The following COMMD1 variants were observed in gnomAD, a reference collection of about 807,000 sequenced individuals.
COMMD1 encodes the protein COMM domain-containing protein 1.
COMMD1 carries 10 observed loss-of-function variants against 17.2 expected under a neutral mutation model. The observed-to-expected ratio is 0.58, with a 90% confidence interval of 0.36 to 0.99. COMMD1 has a LOEUF of 0.99. Among genes scored for constraint, COMMD1 ranks in the 50% least tolerant of loss-of-function variants. The probability of loss-of-function intolerance (pLI) is 0.01; values close to 1 mark genes in which losing one functional copy is unlikely to be tolerated. For missense variants in COMMD1, 270 were observed against 231.8 expected, an observed-to-expected ratio of 1.17 and a Z score of -1.07; for synonymous variants, 97 against 91.6, an observed-to-expected ratio of 1.06 and a Z score of -0.34.
At chr2:62,106,686 G>A (rs747867763) in intron 2 of COMMD1, among the ~76,000 whole-genome samples, 20 of 152,230 alleles carry the variant, frequency 1.3e-4, no homozygotes, top group Non-Finnish European at 2.4e-4. Context: ...AAGCTGCCAG[G>A]TGGTGATGAG....
chr2:62,007,812 A>AT lies in COMMD1; in HGVS notation c.462+6831dup, dbSNP rs370876532. 2.3e-3 allele frequency among the ~76,000 whole-genome samples: 343 copies of AT among 152,350 alleles called. 1 individual carries two copies. The highest frequency in any genetic ancestry group is 8.1e-3 in the African/African-American group (337 of 41,572). On this transcript the variant is annotated intron_variant, in intron 2 of 2. Transcript: ENST00000311832. ...AGGTATCCTCATCGTTAAGCTATGC[A>AT]TAACTATACACTGATCTGCTTTTGT...
chr2:61,889,832 A>G (rs531746416), intron 1 of COMMD1, among the ~76,000 whole-genome samples: 2 of 152,208 alleles, frequency 1.3e-5, no homozygotes, highest in East Asian at 1.9e-4. Context: ...CGTAAACATT[A>G]TAATAAAGAT....
chr2:62,022,444 G>A (rs768680598), intron 2 of COMMD1, among the ~76,000 whole-genome samples: 51 of 142,054 alleles, frequency 3.6e-4, no homozygotes, highest in Non-Finnish European at 6.7e-4. Flanking sequence ...ATTTACCGGC[G>A]CTTCTTTTTT....
At chr2:61,970,909 GT>G (rs939331226) in intron 1 of COMMD1, among the ~76,000 whole-genome samples, 3 of 151,678 alleles carry the variant, frequency 2.0e-5, no homozygotes, top group African/African-American at 7.3e-5. Context: ...CCCAGTATTT[GT>G]TTTTTTTGTT....
At chr2:62,103,391 TA>T (rs1331528302) in intron 2 of COMMD1, among the ~76,000 whole-genome samples, 1 of 152,262 alleles carries the variant, frequency 6.6e-6, no homozygotes, top group Admixed American at 6.5e-5. Flanking sequence ...ACAGGTTAAA[TA>T]GATTTGTCTG....
chr2:61,935,186 A>G (rs927438102), intron 1 of COMMD1, among the ~76,000 whole-genome samples: 1 of 152,224 alleles, frequency 6.6e-6, no homozygotes, highest in Non-Finnish European at 1.5e-5. Context: ...AGTCAGGAGG[A>G]TGGGAGAAAA....
chr2:61,960,087 A>G (rs889135186), intron 1 of COMMD1, among the ~76,000 whole-genome samples: 2 of 151,986 alleles, frequency 1.3e-5, no homozygotes, highest in African/African-American at 4.8e-5. Context: ...GTGCCAGAGC[A>G]AGCTAGGACA....
chr2:61,987,279 A>G (rs977539629), intron 1 of COMMD1, among the ~76,000 whole-genome samples: 2 of 152,052 alleles, frequency 1.3e-5, no homozygotes, highest in Non-Finnish European at 2.9e-5. Flanking sequence ...AAAGAATTAG[A>G]TGCTTATTAT....
intron 2 of COMMD1, among the ~76,000 whole-genome samples, chr2:62,012,463 C>T (rs1040116843): frequency 2.0e-5 from 3 of 151,854 alleles, no homozygotes; most frequent in African/African-American, 4.8e-5. Flanking sequence ...GGATTACAGG[C>T]ATGCACCACC....
At chr2:62,059,018 T>A (rs1670784932) in intron 2 of COMMD1, among the ~76,000 whole-genome samples, 1 of 152,204 alleles carries the variant, frequency 6.6e-6, no homozygotes, top group African/African-American at 2.4e-5. Flanking sequence ...GACCTCGTGA[T>A]CCACCCACCT....
At chr2:62,051,896 C>A (rs767102092) in intron 2 of COMMD1, among the ~76,000 whole-genome samples, 3 of 152,166 alleles carry the variant, frequency 2.0e-5, no homozygotes, top group Admixed American at 1.3e-4. Flanking sequence ...AAGGACTTAG[C>A]TCATTTACTA....
rs182581748 is a variant in COMMD1 at position 62,018,557 on chromosome 2, T to C, written c.462+17575T>C. Among the ~76,000 whole-genome samples the C allele has an allele frequency of 7.0e-4, 106 of 152,362 alleles. 2 individuals carry two copies. The highest frequency in any genetic ancestry group is 6.9e-4 in the Non-Finnish European group (47 of 68,036). ...CTGTTTCAGTTTTTAATGAGCATTATGGTTATTTTCCGGCTTTATTGGGAT... is the reference window on the plus strand; with the variant it reads ...CTGTTTCAGTTTTTAATGAGCATTACGGTTATTTTCCGGCTTTATTGGGAT... On this transcript the variant is annotated intron_variant, in intron 2 of 2. Transcript: ENST00000311832.
intron 2 of COMMD1, among the ~76,000 whole-genome samples, chr2:62,065,494 T>C (rs1671012719): frequency 6.6e-6 from 1 of 151,860 alleles, no homozygotes; most frequent in Admixed American, 6.6e-5. Context: ...TGACTACTTT[T>C]TTTATGTGTG....
intron 1 of COMMD1, chr2:61,915,794 C>T: frequency 8.1e-6 from 3 of 371,314 alleles, no homozygotes; most frequent in South Asian, 4.1e-5. Context: ...CCACGCTTGG[C>T]CTTTTATAGC....
At chr2:62,125,761 C>G (rs1672869936) in intron 2 of COMMD1, among the ~76,000 whole-genome samples, 1 of 151,894 alleles carries the variant, frequency 6.6e-6, no homozygotes, top group African/African-American at 2.4e-5. Context: ...CAAATTCTCT[C>G]TTTTTTTTAA....
At chr2:61,921,578 G>T (rs1558522278) in intron 1 of COMMD1, among the ~76,000 whole-genome samples, 1 of 152,218 alleles carries the variant, frequency 6.6e-6, no homozygotes, top group East Asian at 1.9e-4. Context: ...CGAGTAGCTG[G>T]GACTATAGGG....
intron 1 of COMMD1, among the ~76,000 whole-genome samples, chr2:61,907,009 T>C (rs1669790871): frequency 6.6e-6 from 1 of 152,248 alleles, no homozygotes; most frequent in African/African-American, 2.4e-5. Context: ...GATTGTCTCA[T>C]GGAAATGTAA....
At chr2:62,045,569 T>C (rs1314885832) in intron 2 of COMMD1, among the ~76,000 whole-genome samples, 2 of 151,408 alleles carry the variant, frequency 1.3e-5, no homozygotes, top group Non-Finnish European at 2.9e-5. Flanking sequence ...CTTTTTTTTT[T>C]TTTTGTATTT....
chr2:61,894,748 G>GGA (rs967166554), intron 1 of COMMD1, among the ~76,000 whole-genome samples: 18 of 151,022 alleles, frequency 1.2e-4, no homozygotes, highest in African/African-American at 4.4e-4. Context: ...AGCCCAGGCT[G>GGA]GAGTGCAATG....
Sources: gnomAD v4.1 joint callset for allele counts (sites outside exome capture counted in the v4.1 genomes callset) on GRCh38, gnomAD v4.1.1 for gene constraint, MANE v1.5 for transcripts, NCBI Gene and HGNC (gene_info 2026-07-23, HGNC 2026-07-21) for gene names.